RNF212: variants seen among roughly 807,000 people sequenced by gnomAD.
The protein encoded by RNF212 is ring finger protein 212.
A neutral mutation model predicts 34.7 loss-of-function variants in RNF212; 33 were observed. That is an observed-to-expected ratio of 0.95 (90% CI 0.72 to 1.27). The LOEUF is 1.27. Among genes scored for constraint, RNF212 ranks in the 50% most tolerant of loss-of-function variants. RNF212 has a pLI of 0.00. For synonymous variants in RNF212, 140 were observed against 136.1 expected (o/e 1.03, Z -0.20); for missense variants, 377 against 362.2 (o/e 1.04, Z -0.33).
intron 2 of RNF212, chr4:1,099,707 A>C (rs989931451): frequency 4.4e-6 from 2 of 456,168 alleles, no homozygotes; most frequent in African/African-American, 2.0e-5. Context: ...ATACATAGTT[A>C]AATCTCACAG....
chr4:1,080,834 C>T (rs1720218016), intron 7 of RNF212, among the ~76,000 whole-genome samples: 3 of 152,236 alleles, frequency 2.0e-5, no homozygotes, highest in African/African-American at 7.2e-5. Flanking sequence ...TGCCTTCCAT[C>T]TGAAGAGCTA....
intron 1 of RNF212, among the ~76,000 whole-genome samples, chr4:1,110,101 G>A (rs559907179): frequency 5.9e-5 from 9 of 152,248 alleles, no homozygotes; most frequent in South Asian, 2.1e-4. Context: ...CATAAAAATC[G>A]AAAAGTTCTT....
At chr4:1,085,597 C>T (rs1721035828) in intron 5 of RNF212, 1 of 502,498 alleles carries the variant, frequency 2.0e-6, no homozygotes, top group South Asian at 2.4e-5. Flanking sequence ...CTGGGTCACT[C>T]TGAGAGGCCG....
At chr4:1,112,838 C>A (rs1445126210) in intron 1 of RNF212, among the ~76,000 whole-genome samples, 12 of 87,470 alleles carry the variant, frequency 1.4e-4, no homozygotes, top group African/African-American at 4.6e-4. Flanking sequence ...CTTGACCCCC[C>A]ACATCCCCCA....
chr4:1,077,678 G>C (rs1379451207), intron 8 of RNF212, among the ~76,000 whole-genome samples: 16 of 152,250 alleles, frequency 1.1e-4, no homozygotes, highest in Admixed American at 1.0e-3. Flanking sequence ...CAAGGCCCTA[G>C]TGCAGCAAGG....
chr4:1,099,148 C>G (rs896677105), intron 2 of RNF212, among the ~76,000 whole-genome samples: 1 of 152,180 alleles, frequency 6.6e-6, no homozygotes, highest in African/African-American at 2.4e-5. Flanking sequence ...TCCTCCACCC[C>G]GGCACTCACA....
intron 8 of RNF212, among the ~76,000 whole-genome samples, chr4:1,076,099 C>G (rs542687279): frequency 6.6e-6 from 1 of 152,180 alleles, no homozygotes; most frequent in African/African-American, 2.4e-5. Flanking sequence ...AGGTTAACAG[C>G]CTTAACTTAG....
chr4:1,058,313 G>GTTAGAAC (rs1237576205), intron 4 of RNF212: 1 of 937,122 alleles, frequency 1.1e-6, no homozygotes, highest in African/African-American at 2.3e-5. Flanking sequence ...CTTGCGGGGG[G>GTTAGAAC]GCACTACCTG....
At chr4:1,058,437 C>T (rs1030530357) in intron 3 of RNF212, 1 of 843,950 alleles carries the variant, frequency 1.2e-6, no homozygotes, top group African/African-American at 1.9e-5. Context: ...CATGTTAACA[C>T]ATCACGGTGC....
At chr4:1,092,402 C>G (rs1722329626) in intron 3 of RNF212, among the ~76,000 whole-genome samples, 1 of 152,104 alleles carries the variant, frequency 6.6e-6, no homozygotes, top group African/African-American at 2.4e-5. Context: ...GCTTGGGGGG[C>G]AGCCAAGACC....
At chr4:1,101,796 C>G (rs939130203) in intron 2 of RNF212, among the ~76,000 whole-genome samples, 5 of 152,172 alleles carry the variant, frequency 3.3e-5, no homozygotes, top group African/African-American at 9.7e-5. Context: ...TGTACATACA[C>G]CTAAGAAAGC....
chr4:1,091,040 T>C (rs1260178521), intron 3 of RNF212, among the ~76,000 whole-genome samples: 2 of 152,178 alleles, frequency 1.3e-5, no homozygotes, highest in Non-Finnish European at 2.9e-5. Flanking sequence ...TTAATGGGCA[T>C]GATAGGAAAG....
intron 3 of RNF212, among the ~76,000 whole-genome samples, chr4:1,062,799 T>C (rs1717835525): frequency 6.6e-6 from 1 of 152,146 alleles, no homozygotes; most frequent in Non-Finnish European, 1.5e-5. Context: ...TGATTTGCCA[T>C]ATACAGAAAA....
At chr4:1,110,616 G>A (rs1322998634) in intron 1 of RNF212, among the ~76,000 whole-genome samples, 1 of 151,900 alleles carries the variant, frequency 6.6e-6, no homozygotes, top group Admixed American at 6.6e-5. Flanking sequence ...GTCTATGTTT[G>A]AGTAAGTAAT....
At chr4:1,086,128 G>A (rs562303290) in intron 4 of RNF212, among the ~76,000 whole-genome samples, 174 bp from the exon 5 acceptor site, 6 of 152,278 alleles carry the variant, frequency 3.9e-5, no homozygotes, top group Non-Finnish European at 5.9e-5. Flanking sequence ...TTAGGAAATC[G>A]GCCTTGGGGG....
rs373800172 is a variant in RNF212 at position 1,081,413 on chromosome 4, A to C, written c.464+6T>G. 23 of 1,613,368 alleles carry C rather than the reference A, an allele frequency of 1.4e-5. No individual in the cohort carries two copies. The highest frequency in any genetic ancestry group is 1.8e-5 in the Non-Finnish European group (21 of 1,179,614). On this transcript the variant is annotated splice_donor_region_variant and intron_variant, in intron 7 of 9. Coordinates refer to ENST00000433731, the MANE Select transcript of RNF212 (RefSeq NM_001131034.4). ...GTCCTGTGATTTCTGCAAGCAACCC[A>C]CACACCTGTCGGGGGCTGATGAGTG...
At chr4:1,106,425 C>T (rs1724847986) in intron 2 of RNF212, among the ~76,000 whole-genome samples, 1 of 151,936 alleles carries the variant, frequency 6.6e-6, no homozygotes, top group Non-Finnish European at 1.5e-5. Context: ...CATCAGAATG[C>T]CATAGGACTA....
At chr4:1,110,766 C>T (rs946826297) in intron 1 of RNF212, among the ~76,000 whole-genome samples, 3 of 152,166 alleles carry the variant, frequency 2.0e-5, no homozygotes, top group Non-Finnish European at 4.4e-5. Flanking sequence ...AGCTACAGAG[C>T]TACAGTCAAG....
At chr4:1,101,618 A>G (rs920412800) in intron 2 of RNF212, 1 of 189,160 alleles carries the variant, frequency 5.3e-6, no homozygotes, top group East Asian at 1.4e-4. Context: ...ATTCCACACC[A>G]CTCGTGACAT....
Sources: allele counts gnomAD v4.1 joint callset (sites outside exome capture counted in the v4.1 genomes callset), GRCh38; gene constraint gnomAD v4.1.1; transcripts MANE v1.5; gene names NCBI Gene and HGNC (gene_info 2026-07-23, HGNC 2026-07-21).